Variants in NALF1 observed in about 807,000 individuals in gnomAD.
The protein encoded by NALF1 is NALCN channel auxiliary factor 1, also known as family with sequence similarity 155 member A.
In NALF1, 3 loss-of-function variants were observed where a neutral mutation model predicts 48.4. The ratio of observed to expected loss-of-function variants is 0.06; its 90% CI spans 0.03 to 0.16. The LOEUF (loss-of-function observed/expected upper bound fraction) is 0.16, where lower values mean the gene tolerates loss of function less well. Ranked by LOEUF, NALF1 falls within the 10% of genes least tolerant of loss-of-function variation. NALF1 has a pLI of 1.00. For synonymous variants in NALF1, 262 were observed against 245.7 expected (o/e 1.07, Z -0.62); for missense variants, 526 against 571.5 (o/e 0.92, Z 0.81).
At chr13:107,380,655 T>G (rs1883418864) in intron 1 of NALF1, among the ~76,000 whole-genome samples, 1 of 151,974 alleles carries the variant, frequency 6.6e-6, no homozygotes, top group Non-Finnish European at 1.5e-5. Context: ...GATAAAAGAT[T>G]TTGTTAAAAG....
chr13:107,210,522 A>G, intron 2 of NALF1, 62 bp downstream of exon 2: 1 of 1,163,696 alleles, frequency 8.6e-7, no homozygotes, highest in Non-Finnish European at 1.3e-6. Flanking sequence ...AAGCAAACAA[A>G]CATCACACAA....
intron 1 of NALF1, among the ~76,000 whole-genome samples, chr13:107,334,310 T>C (rs1418111546): frequency 6.6e-6 from 1 of 152,164 alleles, no homozygotes; most frequent in African/African-American, 2.4e-5. Context: ...GATCATCTGA[T>C]TTGCTCTTTT....
intron 1 of NALF1, among the ~76,000 whole-genome samples, chr13:107,486,069 C>A (rs1336776819): frequency 1.3e-5 from 2 of 152,234 alleles, no homozygotes; most frequent in Non-Finnish European, 2.9e-5. Flanking sequence ...ACCTCCCACC[C>A]TTCTAAATCC....
chr13:107,742,351 T>C (rs1018677524), intron 1 of NALF1, among the ~76,000 whole-genome samples: 14 of 152,208 alleles, frequency 9.2e-5, no homozygotes, highest in Admixed American at 2.6e-4. Flanking sequence ...CCCACTCACA[T>C]GTCATCTTGA....
chr13:107,798,469 T>C (rs927368957), intron 1 of NALF1, among the ~76,000 whole-genome samples: 1 of 152,216 alleles, frequency 6.6e-6, no homozygotes, highest in Non-Finnish European at 1.5e-5. Flanking sequence ...GTAGCACAAT[T>C]ATTATCAATC....
chr13:107,538,358 C>T (rs1452917111), intron 1 of NALF1, among the ~76,000 whole-genome samples: 1 of 152,144 alleles, frequency 6.6e-6, no homozygotes, highest in Non-Finnish European at 1.5e-5. Flanking sequence ...TCCCCCCTTA[C>T]CCACAAAGTG....
intron 1 of NALF1, among the ~76,000 whole-genome samples, chr13:107,532,189 G>C (rs372821419): frequency 4.1e-4 from 62 of 149,558 alleles, no homozygotes; most frequent in African/African-American, 1.4e-3. Context: ...GTGAACAAAA[G>C]TAGAGTTTAA....
chr13:107,655,941 A>G (rs963030557), intron 1 of NALF1, among the ~76,000 whole-genome samples: 2 of 152,162 alleles, frequency 1.3e-5, no homozygotes, highest in African/African-American at 4.8e-5. Context: ...TGGTCCTCGG[A>G]TAATTGGCTA....
At position 107,391,364 on chromosome 13, in the gene NALF1, G is replaced by A. The variant is rs1248943482; in HGVS notation, c.916-180609C>T. 4.6e-5 allele frequency among the ~76,000 whole-genome samples: 7 copies of A among 152,020 alleles called. No individual in the cohort carries two copies. The South Asian group carries it at 1.2e-3, about 27-fold the overall frequency. On this transcript the variant is annotated intron_variant, in intron 1 of 2. Transcript: ENST00000375915. ...TAAATCGTGACTTACTTTTCAATCTGACTCTGGCATAATGTTACGAGAAAA... is the reference window on the plus strand; with the variant it reads ...TAAATCGTGACTTACTTTTCAATCTAACTCTGGCATAATGTTACGAGAAAA...
intron 1 of NALF1, among the ~76,000 whole-genome samples, chr13:107,687,228 A>G (rs1031307260): frequency 1.4e-4 from 21 of 152,144 alleles, no homozygotes; most frequent in African/African-American, 4.8e-4. Flanking sequence ...GTTCTCAGCT[A>G]TAAGTGGGAG....
chr13:107,824,987 T>TA (rs1317361771), intron 1 of NALF1, among the ~76,000 whole-genome samples: 1 of 152,232 alleles, frequency 6.6e-6, no homozygotes, highest in Non-Finnish European at 1.5e-5. Context: ...ACGAATCTAG[T>TA]AGCTACAATG....
chr13:107,499,371 G>T (rs1875440516), intron 1 of NALF1, among the ~76,000 whole-genome samples: 1 of 151,834 alleles, frequency 6.6e-6, no homozygotes, highest in South Asian at 2.1e-4. Flanking sequence ...CTGAGAAAGG[G>T]TCTCACTCTG....
intron 1 of NALF1, among the ~76,000 whole-genome samples, chr13:107,737,730 A>G (rs1195951098): frequency 6.6e-6 from 1 of 152,192 alleles, no homozygotes; most frequent in African/African-American, 2.4e-5. Context: ...TTACTTCTGC[A>G]TTTCGTAGGA....
intron 1 of NALF1, among the ~76,000 whole-genome samples, chr13:107,553,872 T>G (rs968333263): frequency 1.3e-5 from 2 of 151,762 alleles, no homozygotes; most frequent in African/African-American, 4.8e-5. Flanking sequence ...TTAGTACTTA[T>G]CCTATCCCCA....
At chr13:107,415,416 T>C (rs1397326889) in intron 1 of NALF1, among the ~76,000 whole-genome samples, 1 of 152,086 alleles carries the variant, frequency 6.6e-6, no homozygotes. Flanking sequence ...AACAGACTTT[T>C]CTGCTTGAAA....
chr13:107,618,417 T>C lies in NALF1; in HGVS notation c.915+247265A>G, dbSNP rs372116763. On this transcript the variant is annotated intron_variant, in intron 1 of 2. Coordinates refer to ENST00000375915, the MANE Select transcript of NALF1 (RefSeq NM_001080396.3). ...TGTGCATTTGGGTTTTGTTTTATGA[T>C]AAGTGTAAAGGCAAGACCCTTGAGT... is the stretch of plus-strand genomic sequence containing the variant. 2.0e-4 allele frequency among the ~76,000 whole-genome samples: 30 copies of C among 152,310 alleles called. No homozygotes were observed. In the South Asian group the frequency reaches 6.2e-3, roughly 32 times the overall value.
At chr13:107,484,694 G>A (rs2139063920) in intron 1 of NALF1, among the ~76,000 whole-genome samples, 1 of 152,258 alleles carries the variant, frequency 6.6e-6, no homozygotes, top group Middle Eastern at 3.4e-3. Flanking sequence ...AGAAAGATAA[G>A]GAGGAATAAA....
At chr13:107,373,175 C>T (rs1303141187) in intron 1 of NALF1, among the ~76,000 whole-genome samples, 2 of 152,070 alleles carry the variant, frequency 1.3e-5, no homozygotes, top group Non-Finnish European at 2.9e-5. Context: ...ATGTTGGGTC[C>T]CTGTTCTCTC....
intron 1 of NALF1, among the ~76,000 whole-genome samples, chr13:107,407,611 G>A (rs1566329121): frequency 3.9e-5 from 6 of 152,080 alleles, no homozygotes; most frequent in Admixed American, 3.9e-4. Context: ...GGCAATAACA[G>A]ATGCTGGCAA....
Sources: gnomAD v4.1 joint callset for allele counts (sites outside exome capture counted in the v4.1 genomes callset) on GRCh38, gnomAD v4.1.1 for gene constraint, MANE v1.5 for transcripts, NCBI Gene and HGNC (gene_info 2026-07-23, HGNC 2026-07-21) for gene names.